Variants in CTNND2 observed in about 807,000 individuals in gnomAD.
CTNND2 encodes catenin delta-2.
CTNND2 carries 22 observed loss-of-function variants against 144.4 expected under a neutral mutation model. The observed-to-expected ratio is 0.15, with a 90% CI of 0.11 to 0.22. The LOEUF (loss-of-function observed/expected upper bound fraction) is 0.22. Ranked by LOEUF, CTNND2 falls within the 10% of genes least tolerant of loss-of-function variation. The pLI, the probability that CTNND2 is intolerant of heterozygous loss-of-function variation, is 1.00. For missense variants in CTNND2, 1,353 were observed against 1,618.8 expected, an observed-to-expected ratio of 0.84 and a Z score of 2.82; for synonymous variants, 751 against 695.6, an observed-to-expected ratio of 1.08 and a Z score of -1.25.
intron 1 of CTNND2, among the ~76,000 whole-genome samples, chr5:11,767,928 T>TTTTA (rs5865964): frequency 0.96 from 145,549 of 152,164 alleles, 69,926 homozygotes; most frequent in East Asian, 1. Flanking sequence ...TATCTCATAG[T>TTTTA]TTTGTCTGCT....
At chr5:11,352,055 G>A (rs1214283653) in intron 8 of CTNND2, among the ~76,000 whole-genome samples, 1 of 152,140 alleles carries the variant, frequency 6.6e-6, no homozygotes, top group Non-Finnish European at 1.5e-5. Context: ...AGCACAAGTT[G>A]ATCCATCTAA....
intron 3 of CTNND2, among the ~76,000 whole-genome samples, chr5:11,438,176 C>A (rs188305883): frequency 6.6e-6 from 1 of 152,282 alleles, no homozygotes; most frequent in Admixed American, 6.5e-5. Context: ...TCGTCATCTT[C>A]AAAGGACTTT....
chr5:11,569,732 T>C (rs1026241093), intron 2 of CTNND2, among the ~76,000 whole-genome samples: 4 of 152,172 alleles, frequency 2.6e-5, no homozygotes, highest in Admixed American at 6.5e-5. Flanking sequence ...CTTAACAATA[T>C]TGAGGCTTCT....
At chr5:11,570,440 C>A (rs79741157) in intron 2 of CTNND2, among the ~76,000 whole-genome samples, 3,536 of 152,194 alleles carry the variant, frequency 0.023, 70 homozygotes, top group Non-Finnish European at 0.033. Flanking sequence ...GTATTATGTT[C>A]TGACACTTTG....
intron 16 of CTNND2, among the ~76,000 whole-genome samples, chr5:11,074,842 T>C (rs1748747188): frequency 6.6e-6 from 1 of 152,194 alleles, no homozygotes; most frequent in Non-Finnish European, 1.5e-5. Context: ...CCAGGAATCT[T>C]TGTCCGGAAA....
At chr5:11,865,622 C>T (rs919055159) in intron 1 of CTNND2, among the ~76,000 whole-genome samples, 1 of 151,974 alleles carries the variant, frequency 6.6e-6, no homozygotes, top group African/African-American at 2.4e-5. Context: ...TGTTCTAATT[C>T]CTAGAACCAG....
chr5:11,562,625 T>C (rs1340028625), intron 3 of CTNND2, among the ~76,000 whole-genome samples: 1 of 152,230 alleles, frequency 6.6e-6, no homozygotes. Flanking sequence ...AACACTATTA[T>C]TTAGTACAGA....
chr5:11,527,718 T>A (rs927755495), intron 3 of CTNND2, among the ~76,000 whole-genome samples: 3 of 152,210 alleles, frequency 2.0e-5, no homozygotes, highest in Non-Finnish European at 4.4e-5. Flanking sequence ...ATATTTAATA[T>A]TTCATATAAA....
chr5:11,168,920 T>G (rs558244273), intron 11 of CTNND2, among the ~76,000 whole-genome samples: 2 of 152,198 alleles, frequency 1.3e-5, no homozygotes, highest in Non-Finnish European at 2.9e-5. Context: ...CCATAATTTT[T>G]GGCCCTGGGT....
intron 8 of CTNND2, among the ~76,000 whole-genome samples, chr5:11,361,926 T>G (rs1756492143): frequency 6.6e-6 from 1 of 152,198 alleles, no homozygotes; most frequent in African/African-American, 2.4e-5. Flanking sequence ...GGAAATGCCT[T>G]ATGAATTGTA....
intron 1 of CTNND2, among the ~76,000 whole-genome samples, chr5:11,837,270 C>T (rs989388965): frequency 6.6e-6 from 1 of 152,094 alleles, no homozygotes; most frequent in African/African-American, 2.4e-5. Context: ...TGAATCAAAA[C>T]AATGGGATCA....
intron 3 of CTNND2, among the ~76,000 whole-genome samples, chr5:11,466,436 GA>G (rs1437765756): frequency 1.3e-5 from 2 of 151,520 alleles, no homozygotes; most frequent in East Asian, 1.9e-4. Context: ...CATTTTCTTT[GA>G]AAAAAATGAA....
rs770075192 is a variant in CTNND2, at chr5:11,117,423, T to C, written c.2277+27A>G. ...CCGTGGGAGTCTTTATTCTCAAACA[T>C]GTTTAATCTATGCCAGCACAACCAA... is the stretch of plus-strand genomic sequence containing the variant. On this transcript the variant is annotated intron_variant, in intron 13 of 21. Coordinates refer to ENST00000304623, the MANE Select transcript of CTNND2 (RefSeq NM_001332.4). The C allele has an allele frequency of 5.1e-6, 8 of 1,560,966 alleles. No individual in the cohort carries two copies. The South Asian group carries it at 8.9e-5, about 17-fold the overall frequency.
chr5:11,152,564 T>C (rs1373766843), intron 12 of CTNND2, among the ~76,000 whole-genome samples: 5 of 152,186 alleles, frequency 3.3e-5, no homozygotes, highest in Non-Finnish European at 5.9e-5. Context: ...TGTTATGCCA[T>C]GCATGACTGT....
intron 16 of CTNND2, among the ~76,000 whole-genome samples, chr5:11,030,756 T>G (rs1302700767): frequency 2.4e-5 from 2 of 85,028 alleles, no homozygotes; most frequent in Admixed American, 1.2e-4. Context: ...TGGTTTCTGT[T>G]TTTTTTTTTT....
At chr5:11,007,500 C>G (rs1373552943) in intron 18 of CTNND2, among the ~76,000 whole-genome samples, 2 of 152,220 alleles carry the variant, frequency 1.3e-5, no homozygotes, top group East Asian at 1.9e-4. Flanking sequence ...GTGGCAACAA[C>G]AAGAAACATC....
intron 2 of CTNND2, among the ~76,000 whole-genome samples, chr5:11,635,513 G>A (rs1012996972): frequency 2.6e-5 from 4 of 152,094 alleles, no homozygotes; most frequent in Non-Finnish European, 4.4e-5. Context: ...TAGGGATAAG[G>A]CATTTCCATT....
At chr5:11,526,197 C>T (rs1401012493) in intron 3 of CTNND2, among the ~76,000 whole-genome samples, 2 of 152,110 alleles carry the variant, frequency 1.3e-5, no homozygotes, top group Non-Finnish European at 2.9e-5. Flanking sequence ...CCACCATGCC[C>T]GGTCTATCTT....
chr5:11,158,110 T>A (rs2149764782), intron 12 of CTNND2, among the ~76,000 whole-genome samples: 1 of 152,356 alleles, frequency 6.6e-6, no homozygotes, highest in African/African-American at 2.4e-5. Context: ...CAGACAGAGC[T>A]AGCCAGGTCC....
Sources: allele counts gnomAD v4.1 joint callset (sites outside exome capture counted in the v4.1 genomes callset), GRCh38; gene constraint gnomAD v4.1.1; transcripts MANE v1.5; gene names NCBI Gene and HGNC (gene_info 2026-07-23, HGNC 2026-07-21).